SUGT1: variants seen among roughly 807,000 people sequenced by gnomAD.
The protein encoded by SUGT1 is SGT1 assembly cochaperone of MIS12 kinetochore complex.
SUGT1 carries 15 observed loss-of-function variants against 56.1 expected under a neutral mutation model. The observed-to-expected ratio is 0.27, with a 90% confidence interval of 0.18 to 0.41. SUGT1 has a LOEUF of 0.41. SUGT1 is among the 10% of genes least tolerant of loss of function. SUGT1 has a pLI of 1.00. For missense variants in SUGT1, 347 were observed against 382.2 expected, an observed-to-expected ratio of 0.91 and a Z score of 0.77; for synonymous variants, 123 against 128.6, an observed-to-expected ratio of 0.96 and a Z score of 0.30.
Position 52,694,807 on chromosome 13 carries a change from GCCTCC to G in SUGT1, c.*6974_*6978del, listed in dbSNP as rs1594266805. On this transcript the variant is annotated 3_prime_UTR_variant, in exon 13 of 13. Transcript: ENST00000310528. The stretch of plus-strand genomic sequence containing the variant: ...CGGTTCACGCCATTCTCATGCCTCA[GCCTCC>G]CAAGTAGCTGGGACTACAGGCGTCC... 6.6e-6 allele frequency: 1 copy of G among 152,440 alleles called. No homozygotes were observed. Among genetic ancestry groups the G allele is most frequent in the East Asian group, 1.9e-4 (1 of 5,200 alleles). The allele number at this position is 152,440 out of a possible 1,614,324, so 9.4% of individuals were successfully genotyped here.
intron 10 of SUGT1, among the ~76,000 whole-genome samples, chr13:52,674,603 AG>A (rs1293737885): frequency 6.6e-6 from 1 of 152,168 alleles, no homozygotes; most frequent in Admixed American, 6.5e-5. Flanking sequence ...TAGTTTAATG[AG>A]TCATCTGATA....
chr13:52,687,634 T>A, intron 12 of SUGT1, 100 bp from the exon 13 acceptor site: 1 of 751,988 alleles, frequency 1.3e-6, no homozygotes, highest in Non-Finnish European at 2.0e-6. Flanking sequence ...CTGTATATAA[T>A]AGCCAATATT....
Position 52,663,004 on chromosome 13 carries a change from A to T in SUGT1, c.383-92A>T. 4.3e-6 allele frequency: 6 copies of T among 1,402,240 alleles called. 1 individual carries two copies. In the South Asian group the frequency reaches 5.2e-5, roughly 12 times the overall value. 86.9% of individuals were successfully genotyped at this position (1,402,240 alleles called of 1,614,324 possible). A position where few individuals can be genotyped will look rare whatever the true frequency, so the allele number is the denominator to read the frequency against. On this transcript the variant is annotated intron_variant, in intron 6 of 12. Coordinates refer to ENST00000310528, the MANE Select transcript of SUGT1 (RefSeq NM_006704.5). ...AAAGGTACGGAGAATTTGCTTGCTT[A>T]ATCAGTATGTTTGTGCTATAGAAAT...
chr13:52,687,607 A>C, intron 12 of SUGT1, 127 bp from the exon 13 acceptor site: 1 of 496,688 alleles, frequency 2.0e-6, no homozygotes, highest in Non-Finnish European at 3.4e-6. Context: ...TATGTATTGC[A>C]TAGAGTTTAT....
At chr13:52,657,971 C>T in intron 3 of SUGT1, 1 of 637,820 alleles carries the variant, frequency 1.6e-6, no homozygotes, top group Non-Finnish European at 2.2e-6. Flanking sequence ...CCTGTAATCC[C>T]AACACTTTGG....
chr13:52,675,002 C>T (rs1281686958), intron 10 of SUGT1, among the ~76,000 whole-genome samples: 2 of 152,032 alleles, frequency 1.3e-5, no homozygotes, highest in Admixed American at 1.3e-4. Flanking sequence ...TTAGTCTTCT[C>T]GGTAAGTAAG....
intron 10 of SUGT1, among the ~76,000 whole-genome samples, chr13:52,670,461 C>T (rs1471511334): frequency 6.6e-6 from 1 of 152,148 alleles, no homozygotes; most frequent in African/African-American, 2.4e-5. Flanking sequence ...TTTAGTGGCA[C>T]CCATATTGTG....
In SUGT1 at chr13:52,691,860, C is replaced by T. The variant is rs992333360; in HGVS notation, c.*4025C>T. 1 of 152,058 alleles carries T rather than the reference C, an allele frequency of 6.6e-6. No homozygotes were observed. The highest frequency in any genetic ancestry group is 1.5e-5 in the Non-Finnish European group (1 of 68,008). The allele number at this position is 152,058 out of a possible 1,614,324, so 9.4% of individuals were successfully genotyped here. A position where few individuals can be genotyped will look rare whatever the true frequency, so the allele number is the denominator to read the frequency against. On this transcript the variant is annotated 3_prime_UTR_variant, in exon 13 of 13. Transcript: ENST00000310528. ...CTCTTTTGATGTGGTTTCCCTTTCT[C>T]CATCTGTGCATTTTTTAAATCGTAA...
chr13:52,662,566 G>A, intron 5 of SUGT1, 83 bp from the exon 6 acceptor site: 1 of 1,441,000 alleles, frequency 6.9e-7, no homozygotes, highest in Non-Finnish European at 9.7e-7. Flanking sequence ...ACACTGCCTG[G>A]GATGTAGTAG....
chr13:52,674,149 G>T (rs1963053870), intron 10 of SUGT1, among the ~76,000 whole-genome samples: 1 of 139,354 alleles, frequency 7.2e-6, no homozygotes, highest in South Asian at 2.3e-4. Flanking sequence ...CCGCCTCCCA[G>T]ATTCAAGCAA....
At chr13:52,676,091 A>C (rs1963131531) in intron 10 of SUGT1, 139 bp from the exon 11 acceptor site, 1 of 601,932 alleles carries the variant, frequency 1.7e-6, no homozygotes, top group Non-Finnish European at 2.7e-6. Flanking sequence ...ATAGTTTTTC[A>C]AATTTAACCT....
rs1408001441 is a variant in SUGT1, at chr13:52,700,246, T to C, written c.*12411T>C. On this transcript the variant is annotated 3_prime_UTR_variant, in exon 13 of 13. Transcript: ENST00000310528. Reference sequence around the variant, plus strand: ...ATAAAGACTGCTATGTATTTGACTTTAAAACTATAAAGATGTAAAAAAGGT... The same window carrying C: ...ATAAAGACTGCTATGTATTTGACTTCAAAACTATAAAGATGTAAAAAAGGT... 1.3e-5 allele frequency: 2 copies of C among 152,326 alleles called. No individual in the cohort carries two copies. The highest frequency in any genetic ancestry group is 4.8e-5 in the African/African-American group (2 of 41,584). 9.4% of individuals were successfully genotyped at this position (152,326 alleles called of 1,614,324 possible). A position where few individuals can be genotyped will look rare whatever the true frequency, so the allele number is the denominator to read the frequency against.
At chr13:52,674,565 A>G (rs1299549906) in intron 10 of SUGT1, among the ~76,000 whole-genome samples, 1 of 152,156 alleles carries the variant, frequency 6.6e-6, no homozygotes, top group Non-Finnish European at 1.5e-5. Flanking sequence ...TGCTAAATGC[A>G]TTTGGTATAA....
chr13:52,653,629 C>G (rs927402905), intron 2 of SUGT1, among the ~76,000 whole-genome samples: 1 of 152,094 alleles, frequency 6.6e-6, no homozygotes, highest in Non-Finnish European at 1.5e-5. Context: ...TGCAAAGGCG[C>G]TGATTGCTGT....
At position 52,679,965 on chromosome 13, in the gene SUGT1, A is replaced by G; in HGVS notation, c.719-9A>G. The G allele has an allele frequency of 6.4e-7, 1 of 1,570,162 alleles. No homozygotes were observed. Among genetic ancestry groups the G allele is most frequent in the Non-Finnish European group, 8.6e-7 (1 of 1,167,288 alleles). Reference sequence around the variant, plus strand: ...TGATTAATTACTTCTGCCTTTTTTTACTTCATAGATGTAAAGAACCTATAT... The same window carrying G: ...TGATTAATTACTTCTGCCTTTTTTTGCTTCATAGATGTAAAGAACCTATAT... On this transcript the variant is annotated splice_polypyrimidine_tract_variant and intron_variant, in intron 11 of 12. Transcript: ENST00000310528.
chr13:52,663,040 ACTTTG>A, intron 6 of SUGT1, 51 bp from the exon 7 acceptor site: 2 of 1,576,206 alleles, frequency 1.3e-6, no homozygotes, highest in South Asian at 2.3e-5. Context: ...CATACAAATA[ACTTTG>A]CTTAAAAATG....
Position 52,693,043 on chromosome 13 carries a change from G to T in SUGT1, c.*5208G>T, listed in dbSNP as rs1207478120. The T allele has an allele frequency of 1.3e-5, 2 of 152,062 alleles. No homozygotes were observed. Among genetic ancestry groups the T allele is most frequent in the African/African-American group, 2.4e-5 (1 of 41,388 alleles). 9.4% of individuals were successfully genotyped at this position (152,062 alleles called of 1,614,324 possible). ...TATTCCTACAGACATGTTAGGATTT[G>T]TGTATCACTGATTTCTCCAATAAAA... On this transcript the variant is annotated 3_prime_UTR_variant, in exon 13 of 13. Transcript: ENST00000310528.
rs1963888075 is a variant in SUGT1 at position 52,695,023 on chromosome 13, C to G, written c.*7188C>G. ...TGTTTTTATGAGTTAATTCATCAAT[C>G]TTATTATTCTTGCCCCAAATGAATC... On this transcript the variant is annotated 3_prime_UTR_variant, in exon 13 of 13. Coordinates refer to ENST00000310528, the MANE Select transcript of SUGT1 (RefSeq NM_006704.5). 1 of 152,240 alleles carries G rather than the reference C, an allele frequency of 6.6e-6. No individual in the cohort carries two copies. Among genetic ancestry groups the G allele is most frequent in the South Asian group, 2.1e-4 (1 of 4,832 alleles). 9.4% of individuals were successfully genotyped at this position (152,240 alleles called of 1,614,324 possible).
intron 2 of SUGT1, among the ~76,000 whole-genome samples, chr13:52,655,010 G>A (rs1359674952): frequency 1.3e-5 from 2 of 152,188 alleles, no homozygotes; most frequent in African/African-American, 4.8e-5. Flanking sequence ...GGTTTTTAAT[G>A]TATGGCTCTT....
Sources: gnomAD v4.1 joint callset for allele counts (sites outside exome capture counted in the v4.1 genomes callset) on GRCh38, gnomAD v4.1.1 for gene constraint, MANE v1.5 for transcripts, NCBI Gene and HGNC (gene_info 2026-07-23, HGNC 2026-07-21) for gene names.